CD226: variants seen among roughly 807,000 people sequenced by gnomAD.
CD226 encodes the protein CD226 molecule, also known as CD226 antigen.
In CD226, 24 loss-of-function variants were observed where a neutral mutation model predicts 34.9. The ratio of observed to expected loss-of-function variants is 0.69; its 90% CI spans 0.50 to 0.97. The LOEUF is 0.97. CD226 is among the 50% of genes least tolerant of loss of function. CD226 has a pLI of 0.00. For missense variants in CD226, 397 were observed against 412.7 expected (o/e 0.96, Z 0.33); for synonymous variants, 148 against 147.4 (o/e 1.00, Z -0.03).
At chr18:69,908,791 A>C (rs377267182) in intron 2 of CD226, among the ~76,000 whole-genome samples, 4 of 152,316 alleles carry the variant, frequency 2.6e-5, no homozygotes, top group African/African-American at 9.6e-5. Context: ...CTCCATTCTC[A>C]TCTCCTACTA....
At chr18:69,881,251 T>C (rs1276869392) in intron 3 of CD226, among the ~76,000 whole-genome samples, 1 of 152,166 alleles carries the variant, frequency 6.6e-6, no homozygotes, top group Admixed American at 6.5e-5. Context: ...CCATAATGAG[T>C]GAGTTCACAC....
chr18:69,919,168 G>A (rs1450089077), intron 2 of CD226, among the ~76,000 whole-genome samples: 2 of 152,196 alleles, frequency 1.3e-5, no homozygotes, highest in African/African-American at 4.8e-5. Flanking sequence ...TTCAAGCACT[G>A]CGTCCAATGA....
chr18:69,858,212 ATATT>A lies in CD226; in HGVS notation c.*6098_*6101del, dbSNP rs1307263091. 1 of 152,192 alleles carries A rather than the reference ATATT, an allele frequency of 6.6e-6. No individual in the cohort carries two copies. 9.4% of individuals were successfully genotyped at this position (152,192 alleles called of 1,614,324 possible). ...AATTTATTTTAAAACAATCTTGGAT[ATATT>A]TAGTTACATCTGGAATAAACTCAGG... On this transcript the variant is annotated 3_prime_UTR_variant, in exon 6 of 6. Transcript: ENST00000582621.
At chr18:69,914,996 A>G (rs762769592) in intron 2 of CD226, among the ~76,000 whole-genome samples, 5 of 152,198 alleles carry the variant, frequency 3.3e-5, no homozygotes, top group Admixed American at 2.6e-4. Flanking sequence ...TTTTGGAAAC[A>G]GTATCGTTAA....
intron 3 of CD226, among the ~76,000 whole-genome samples, chr18:69,885,073 A>G (rs918011735): frequency 2.6e-5 from 4 of 152,184 alleles, no homozygotes; most frequent in Non-Finnish European, 4.4e-5. Flanking sequence ...TTGTTTAATC[A>G]GGTATAACTC....
intron 3 of CD226, among the ~76,000 whole-genome samples, chr18:69,880,665 T>TTA (rs1447792711): frequency 6.6e-6 from 1 of 150,924 alleles, no homozygotes. Context: ...TTTTTTTTTT[T>TTA]TTTTGAGACA....
At chr18:69,887,170 T>C (rs938926364) in intron 3 of CD226, among the ~76,000 whole-genome samples, 3 of 152,206 alleles carry the variant, frequency 2.0e-5, no homozygotes, top group African/African-American at 7.2e-5. Context: ...ATATTTGGGA[T>C]TTGGCATGTG....
intron 1 of CD226, among the ~76,000 whole-genome samples, chr18:69,954,915 T>A (rs1236209638): frequency 6.6e-6 from 1 of 152,162 alleles, no homozygotes; most frequent in Non-Finnish European, 1.5e-5. Flanking sequence ...TCAGCAGCCA[T>A]TTTTTGCATG....
At chr18:69,950,257 CTG>C (rs1312278049), upstream of CD226, among the ~76,000 whole-genome samples, 4 of 151,446 alleles carry the variant, frequency 2.6e-5, no homozygotes, top group South Asian at 4.2e-4. Flanking sequence ...CTCACACACT[CTG>C]TCTCTCTCTC....
chr18:69,950,813 T>C (rs1340869395), upstream of CD226, among the ~76,000 whole-genome samples: 3 of 152,160 alleles, frequency 2.0e-5, no homozygotes, highest in African/African-American at 7.2e-5. Flanking sequence ...ACCAGAATGA[T>C]ATAATCAGAT....
upstream of CD226, among the ~76,000 whole-genome samples, chr18:69,950,456 C>A (rs1038837070): frequency 1.4e-4 from 22 of 152,144 alleles, no homozygotes; most frequent in African/African-American, 4.8e-4. Context: ...GAAAAGGAAG[C>A]AACACACACA....
At chr18:69,894,916 A>G (rs1016774278) in intron 3 of CD226, among the ~76,000 whole-genome samples, 1 of 151,996 alleles carries the variant, frequency 6.6e-6, no homozygotes, top group Non-Finnish European at 1.5e-5. Context: ...ACACAATGAA[A>G]GGCTTCATTG....
At chr18:69,929,625 C>A (rs1217774076) in intron 2 of CD226, among the ~76,000 whole-genome samples, 1 of 152,086 alleles carries the variant, frequency 6.6e-6, no homozygotes, top group South Asian at 2.1e-4. Context: ...CATGACTTTA[C>A]CACATTTGCA....
At chr18:69,896,877 C>A (rs1206165734) in intron 2 of CD226, among the ~76,000 whole-genome samples, 1 of 152,178 alleles carries the variant, frequency 6.6e-6, no homozygotes, top group Non-Finnish European at 1.5e-5. Flanking sequence ...TAGGGCCCCA[C>A]ATGTGGTATC....
At chr18:69,957,220 C>T (rs1236312429), upstream of CD226, 1 of 152,158 alleles carries the variant, frequency 6.6e-6, no homozygotes, top group South Asian at 2.1e-4. Context: ...CAGTTTGTTT[C>T]TTTGCCTTTT....
Position 69,861,983 on chromosome 18 carries a change from G to A in CD226, c.*2331C>T, listed in dbSNP as rs1052840759. The A allele has an allele frequency of 2.0e-5, 3 of 152,066 alleles. No homozygotes were observed. The highest frequency in any genetic ancestry group is 4.4e-5 in the Non-Finnish European group (3 of 67,968). 9.4% of individuals were successfully genotyped at this position (152,066 alleles called of 1,614,324 possible). A position where few individuals can be genotyped will look rare whatever the true frequency, so the allele number is the denominator to read the frequency against. On this transcript the variant is annotated 3_prime_UTR_variant, in exon 6 of 6. Transcript: ENST00000582621. ...ACTCTGTAGAGGAAGAATATATAGA[G>A]AAGAAAGGACAGAGTAAATAGTTCT...
At chr18:69,945,804 G>C (rs2145365443) in intron 2 of CD226, among the ~76,000 whole-genome samples, 1 of 152,268 alleles carries the variant, frequency 6.6e-6, no homozygotes, top group Non-Finnish European at 1.5e-5. Flanking sequence ...TGGACTTACA[G>C]CACCACATGT....
intron 4 of CD226, among the ~76,000 whole-genome samples, chr18:69,872,091 G>GTGTGTGTGTGTGT (rs768112256): frequency 1.4e-3 from 131 of 93,750 alleles, no homozygotes; most frequent in Admixed American, 1.6e-3. Context: ...TGTGTGTGTG[G>GTGTGTGTGTGTGT]TGCATTTGGT....
At chr18:69,918,043 G>A (rs2055406840) in intron 2 of CD226, among the ~76,000 whole-genome samples, 1 of 152,196 alleles carries the variant, frequency 6.6e-6, no homozygotes, top group East Asian at 1.9e-4. Context: ...CAAGCAAGGA[G>A]AAGGGCACAG....
Sources: gnomAD v4.1 joint callset for allele counts (sites outside exome capture counted in the v4.1 genomes callset) on GRCh38, gnomAD v4.1.1 for gene constraint, MANE v1.5 for transcripts, NCBI Gene and HGNC (gene_info 2026-07-23, HGNC 2026-07-21) for gene names.